Variants in RAD51B observed in about 807,000 individuals in gnomAD.
The protein encoded by RAD51B is DNA repair protein RAD51 homolog 2.
Under a neutral mutation model 42.2 loss-of-function variants are expected in RAD51B, and 38 were observed. That is an observed-to-expected ratio of 0.90 (90% CI 0.70 to 1.18). The LOEUF is 1.18. RAD51B is among the 50% of genes most tolerant of loss of function. RAD51B has a pLI of 0.00. For synonymous variants in RAD51B, 154 were observed against 145.2 expected (o/e 1.06, Z -0.43); for missense variants, 373 against 400.7 (o/e 0.93, Z 0.59).
At chr14:67,849,862 G>A (rs1594997868) in intron 4 of RAD51B, among the ~76,000 whole-genome samples, 2 of 152,172 alleles carry the variant, frequency 1.3e-5, no homozygotes, top group East Asian at 1.9e-4. Context: ...TTATTTATCT[G>A]ACATTTCTGA....
intron 7 of RAD51B, among the ~76,000 whole-genome samples, chr14:68,111,822 T>C (rs1264442372): frequency 1.3e-5 from 2 of 152,126 alleles, no homozygotes; most frequent in Non-Finnish European, 2.9e-5. Flanking sequence ...GATGGTCACC[T>C]GCGGTGATAA....
chr14:67,837,458 C>T (rs1185121263), intron 4 of RAD51B, among the ~76,000 whole-genome samples: 8 of 151,978 alleles, frequency 5.3e-5, no homozygotes, highest in African/African-American at 1.9e-4. Context: ...AGTTACAAGC[C>T]TTTTAGGTGT....
At chr14:68,264,316 T>G (rs1270428810) in intron 7 of RAD51B, among the ~76,000 whole-genome samples, 2 of 152,234 alleles carry the variant, frequency 1.3e-5, no homozygotes, top group Non-Finnish European at 2.9e-5. Flanking sequence ...GTTTCTAGAC[T>G]TCTAAGAATT....
At chr14:68,343,965 C>T (rs978313329) in intron 8 of RAD51B, among the ~76,000 whole-genome samples, 5 of 152,266 alleles carry the variant, frequency 3.3e-5, no homozygotes, top group Admixed American at 6.5e-5. Flanking sequence ...AAGGAAACTT[C>T]GCAGATTCCC....
intron 7 of RAD51B, among the ~76,000 whole-genome samples, chr14:67,933,687 C>T (rs1258145740): frequency 6.6e-6 from 1 of 152,134 alleles, no homozygotes; most frequent in Non-Finnish European, 1.5e-5. Flanking sequence ...TTCTTTGCCT[C>T]AGGTGTTTCC....
At chr14:68,464,566 T>G (rs1391964706) in intron 9 of RAD51B, among the ~76,000 whole-genome samples, 1 of 152,266 alleles carries the variant, frequency 6.6e-6, no homozygotes, top group Non-Finnish European at 1.5e-5. Context: ...GCTAGAATTC[T>G]GTACATTCTA....
chr14:68,062,680 G>A (rs1168151262), intron 7 of RAD51B, among the ~76,000 whole-genome samples: 1 of 151,766 alleles, frequency 6.6e-6, no homozygotes, highest in African/African-American at 2.4e-5. Flanking sequence ...ATGGTGACAG[G>A]CACCTGTAAT....
chr14:68,457,684 C>T (rs1218072754), intron 9 of RAD51B, among the ~76,000 whole-genome samples: 1 of 151,906 alleles, frequency 6.6e-6, no homozygotes, highest in African/African-American at 2.4e-5. Flanking sequence ...CTGCAACCTC[C>T]ACCTCCTGGG....
intron 10 of RAD51B, among the ~76,000 whole-genome samples, chr14:68,494,667 C>T (rs1175955642): frequency 5.9e-5 from 9 of 152,028 alleles, no homozygotes; most frequent in African/African-American, 2.2e-4. Flanking sequence ...TTTTCATCTC[C>T]AATTCCTGCC....
intron 7 of RAD51B, among the ~76,000 whole-genome samples, chr14:68,274,308 AATGTACC>A (rs2081179414): frequency 6.6e-6 from 1 of 152,132 alleles, no homozygotes; most frequent in South Asian, 2.1e-4. Context: ...AGAGCTACAA[AATGTACC>A]ATGATTACAT....
At chr14:68,188,833 T>A (rs2079207798) in intron 7 of RAD51B, among the ~76,000 whole-genome samples, 1 of 152,208 alleles carries the variant, frequency 6.6e-6, no homozygotes, top group Non-Finnish European at 1.5e-5. Context: ...TCTCTAGCCA[T>A]GTATGTGCTT....
intron 7 of RAD51B, among the ~76,000 whole-genome samples, chr14:68,132,006 A>G (rs1423327529): frequency 6.6e-6 from 1 of 152,238 alleles, no homozygotes; most frequent in Non-Finnish European, 1.5e-5. Flanking sequence ...GTCAAAGAGA[A>G]GAAGGAAGAA....
chr14:68,498,258 A>G (rs958984809), intron 10 of RAD51B, among the ~76,000 whole-genome samples: 2 of 152,336 alleles, frequency 1.3e-5, no homozygotes, highest in Middle Eastern at 6.8e-3. Context: ...TTTCACAAAC[A>G]TGCAGGCAGA....
chr14:68,474,231 C>T (rs976984071), intron 10 of RAD51B, among the ~76,000 whole-genome samples: 1 of 120,338 alleles, frequency 8.3e-6, no homozygotes, highest in Non-Finnish European at 1.7e-5. Flanking sequence ...AGTGTCTACA[C>T]GTTTCCATTT....
At chr14:68,676,064 A>G (rs1893297124) in intron 11 of RAD51B, among the ~76,000 whole-genome samples, 1 of 152,222 alleles carries the variant, frequency 6.6e-6, no homozygotes, top group African/African-American at 2.4e-5. Flanking sequence ...TTTCACTTAT[A>G]ATGATTCTTA....
intron 10 of RAD51B, among the ~76,000 whole-genome samples, chr14:68,628,132 T>G (rs1325963601): frequency 6.6e-6 from 1 of 152,248 alleles, no homozygotes; most frequent in Non-Finnish European, 1.5e-5. Context: ...ATGTCTTGGT[T>G]TTTACATGAC....
chr14:67,990,555 G>C (rs1029038590), intron 7 of RAD51B, among the ~76,000 whole-genome samples: 1 of 152,308 alleles, frequency 6.6e-6, no homozygotes, highest in East Asian at 1.9e-4. Context: ...GAACTAAACA[G>C]TGGTGCTTTG....
At chr14:68,090,323 T>G (rs971290865) in intron 7 of RAD51B, among the ~76,000 whole-genome samples, 1 of 152,346 alleles carries the variant, frequency 6.6e-6, no homozygotes, top group East Asian at 1.9e-4. Flanking sequence ...CCAGCATAAC[T>G]TTAGAAAATC....
At chr14:67,852,616 A>G (rs1018435628) in intron 4 of RAD51B, among the ~76,000 whole-genome samples, 1 of 152,232 alleles carries the variant, frequency 6.6e-6, no homozygotes, top group Non-Finnish European at 1.5e-5. Flanking sequence ...GTTACATACC[A>G]TCATTTCTGC....
Sources: allele counts gnomAD v4.1 joint callset (sites outside exome capture counted in the v4.1 genomes callset), GRCh38; gene constraint gnomAD v4.1.1; transcripts MANE v1.5; gene names NCBI Gene and HGNC (gene_info 2026-07-23, HGNC 2026-07-21).